The following KCNA2 variants were observed in gnomAD, a reference collection of about 807,000 sequenced individuals.
KCNA2 encodes potassium voltage-gated channel subfamily A member 2.
In KCNA2, 11 loss-of-function variants were observed where a neutral mutation model predicts 33.4. The ratio of observed to expected loss-of-function variants is 0.33; its 90% CI spans 0.21 to 0.55. KCNA2 has a LOEUF of 0.55. KCNA2 is among the 20% of genes least tolerant of loss of function. The pLI is 0.93. For missense variants in KCNA2, 291 were observed against 621.6 expected (o/e 0.47, Z 5.66); for synonymous variants, 222 against 231.3 (o/e 0.96, Z 0.37).
chr1:110,597,673 A>G lies in KCNA2; in HGVS notation c.*5610T>C. ...GTGGGAAGAAGAAGAAACTACAGAG[A>G]CTGTGAATGAGCCCCCAGAAGTCAA... On this transcript the variant is annotated 3_prime_UTR_variant, in exon 3 of 3. Coordinates refer to ENST00000316361, the MANE Select transcript of KCNA2 (RefSeq NM_004974.4). 1 of 985,388 alleles carries G rather than the reference A, an allele frequency of 1.0e-6. No homozygotes were observed. Among genetic ancestry groups the G allele is most frequent in the Non-Finnish European group, 1.2e-6 (1 of 829,936 alleles). 61.0% of individuals were successfully genotyped at this position (985,388 alleles called of 1,614,324 possible).
At chr1:110,607,383 C>A (rs1306438047), upstream of KCNA2, 1 of 150,546 alleles carries the variant, frequency 6.6e-6, no homozygotes, top group Non-Finnish European at 1.5e-5. Context: ...GCGGCGCGTA[C>A]GGAGCTCCCG....
At position 110,600,016 on chromosome 1, in the gene KCNA2, G is replaced by A; in HGVS notation, c.*3267C>T. On this transcript the variant is annotated 3_prime_UTR_variant, in exon 3 of 3. Transcript: ENST00000316361. ...GGCCCATCCTCCTGCTTGAAACCTA[G>A]GAGTTACTTCTCAGGAGTGAAATCT... 2 of 985,164 alleles carry A rather than the reference G, an allele frequency of 2.0e-6. No homozygotes were observed. The highest frequency in any genetic ancestry group is 2.4e-6 in the Non-Finnish European group (2 of 829,870). 61.0% of individuals were successfully genotyped at this position (985,164 alleles called of 1,614,324 possible). A position where few individuals can be genotyped will look rare whatever the true frequency, so the allele number is the denominator to read the frequency against.
chr1:110,598,967 C>A lies in KCNA2; in HGVS notation c.*4316G>T. On this transcript the variant is annotated 3_prime_UTR_variant, in exon 3 of 3. Coordinates refer to ENST00000316361, the MANE Select transcript of KCNA2 (RefSeq NM_004974.4). Reference sequence around the variant, plus strand: ...AACTCCAAGTTTCTTGAAAATGAATCCACAGAGGCACTTGATGAAGCCAAC... The same window carrying A: ...AACTCCAAGTTTCTTGAAAATGAATACACAGAGGCACTTGATGAAGCCAAC... 2.0e-6 allele frequency: 2 copies of A among 985,456 alleles called. No individual in the cohort carries two copies. The highest frequency in any genetic ancestry group is 2.4e-6 in the Non-Finnish European group (2 of 829,942). 61.0% of individuals were successfully genotyped at this position (985,456 alleles called of 1,614,324 possible).
At chr1:110,620,271 A>G (rs1281770128) in intron 1 of KCNA2, among the ~76,000 whole-genome samples, 2 of 152,080 alleles carry the variant, frequency 1.3e-5, no homozygotes, top group Admixed American at 1.3e-4. Flanking sequence ...CAGTGTAGAC[A>G]GTGTCTTAGA....
rs920916238 is a variant in KCNA2 at position 110,602,202 on chromosome 1, G to A, written c.*1081C>T. 3.9e-5 allele frequency: 61 copies of A among 1,549,106 alleles called. No homozygotes were observed. In the African/African-American group the frequency reaches 7.9e-4, roughly 20 times the overall value. On this transcript the variant is annotated 3_prime_UTR_variant, in exon 3 of 3. Coordinates refer to ENST00000316361, the MANE Select transcript of KCNA2 (RefSeq NM_004974.4). Reference sequence around the variant, plus strand: ...AGAAGAACAGGGATAGGTAGGCTGGGGGGCCAGAAGTTTTAGTTCCATTCC... The same window carrying A: ...AGAAGAACAGGGATAGGTAGGCTGGAGGGCCAGAAGTTTTAGTTCCATTCC...
upstream of KCNA2, among the ~76,000 whole-genome samples, chr1:110,609,331 C>T (rs566088593): frequency 4.6e-5 from 7 of 152,334 alleles, no homozygotes; most frequent in Admixed American, 3.3e-4. Context: ...TAATTGGTGA[C>T]ATGGGCTTAC....
At chr1:110,628,786 G>A (rs1171515515) in intron 1 of KCNA2, among the ~76,000 whole-genome samples, 9 of 152,152 alleles carry the variant, frequency 5.9e-5, no homozygotes, top group African/African-American at 1.2e-4. Context: ...CACAGAATTC[G>A]TCTGTACATT....
chr1:110,622,919 A>G (rs1650296414), intron 1 of KCNA2, among the ~76,000 whole-genome samples: 1 of 152,224 alleles, frequency 6.6e-6, no homozygotes, highest in Admixed American at 6.5e-5. Context: ...TAATCCACAT[A>G]TTCAATAGAA....
chr1:110,614,893 C>T (rs994336819), intron 1 of KCNA2, among the ~76,000 whole-genome samples: 4 of 152,202 alleles, frequency 2.6e-5, no homozygotes, highest in African/African-American at 4.8e-5. Context: ...CCACATCAAC[C>T]GTTACCCCAA....
At chr1:110,627,028 T>C (rs1650409792) in intron 1 of KCNA2, among the ~76,000 whole-genome samples, 1 of 152,242 alleles carries the variant, frequency 6.6e-6, no homozygotes, top group Non-Finnish European at 1.5e-5. Context: ...GCATCTCATT[T>C]AATCTTACCG....
intron 1 of KCNA2, among the ~76,000 whole-genome samples, chr1:110,614,157 G>A (rs898793149): frequency 2.6e-5 from 4 of 152,138 alleles, no homozygotes; most frequent in African/African-American, 7.2e-5. Flanking sequence ...AAACAGTGGC[G>A]AGGAGCTCCA....
chr1:110,618,944 C>G (rs950331743), intron 1 of KCNA2, among the ~76,000 whole-genome samples: 1 of 152,220 alleles, frequency 6.6e-6, no homozygotes, highest in African/African-American at 2.4e-5. Flanking sequence ...TATTCATGCC[C>G]TCGCAGAAGC....
intron 1 of KCNA2, among the ~76,000 whole-genome samples, chr1:110,617,635 C>T (rs115768602): frequency 8.0e-4 from 121 of 152,080 alleles, no homozygotes; most frequent in African/African-American, 2.9e-3. Context: ...AATAGGTGAA[C>T]GGTAGAAGGG....
chr1:110,626,022 C>T (rs573228943), intron 1 of KCNA2, among the ~76,000 whole-genome samples: 11 of 152,160 alleles, frequency 7.2e-5, no homozygotes, highest in Non-Finnish European at 1.6e-4. Context: ...ATTGGTTCAG[C>T]CCCATGGAGG....
chr1:110,619,741 G>C (rs2101454484), intron 1 of KCNA2, among the ~76,000 whole-genome samples: 1 of 152,264 alleles, frequency 6.6e-6, no homozygotes, highest in East Asian at 1.9e-4. Flanking sequence ...GATATTTTTC[G>C]CCACCTATTT....
At chr1:110,619,455 A>G (rs1164537225) in intron 1 of KCNA2, among the ~76,000 whole-genome samples, 1 of 152,190 alleles carries the variant, frequency 6.6e-6, no homozygotes, top group Non-Finnish European at 1.5e-5. Flanking sequence ...GGCCCCTCCT[A>G]CACATACAAG....
At chr1:110,625,860 T>C (rs913233147) in intron 1 of KCNA2, among the ~76,000 whole-genome samples, 1 of 152,236 alleles carries the variant, frequency 6.6e-6, no homozygotes, top group Non-Finnish European at 1.5e-5. Context: ...CCTTCATTCA[T>C]AATTAAGAGA....
chr1:110,600,640 G>A lies in KCNA2; in HGVS notation c.*2643C>T. On this transcript the variant is annotated 3_prime_UTR_variant, in exon 3 of 3. Coordinates refer to ENST00000316361, the MANE Select transcript of KCNA2 (RefSeq NM_004974.4). ...TGAACATTTTAGAGTCCTGGGCCAAGGACACTGTGATAAGATATCTATCCC... is the reference window on the plus strand; with the variant it reads ...TGAACATTTTAGAGTCCTGGGCCAAAGACACTGTGATAAGATATCTATCCC... 1.0e-6 allele frequency: 1 copy of A among 985,346 alleles called. No homozygotes were observed. Among genetic ancestry groups the A allele is most frequent in the Non-Finnish European group, 1.2e-6 (1 of 829,902 alleles). 61.0% of individuals were successfully genotyped at this position (985,346 alleles called of 1,614,324 possible).
In KCNA2 at chr1:110,599,032, A is replaced by G. The variant is rs1649224597; in HGVS notation, c.*4251T>C. On this transcript the variant is annotated 3_prime_UTR_variant, in exon 3 of 3. Coordinates refer to ENST00000316361, the MANE Select transcript of KCNA2 (RefSeq NM_004974.4). ...GACCTGGAAACACAAGTTTCCAGCAAAGCACACGTTTTGGACCCATATGTC... is the reference window on the plus strand; with the variant it reads ...GACCTGGAAACACAAGTTTCCAGCAGAGCACACGTTTTGGACCCATATGTC... 3 of 985,226 alleles carry G rather than the reference A, an allele frequency of 3.0e-6. No individual in the cohort carries two copies. Among genetic ancestry groups the G allele is most frequent in the South Asian group, 4.7e-5 (1 of 21,276 alleles). 61.0% of individuals were successfully genotyped at this position (985,226 alleles called of 1,614,324 possible). A position where few individuals can be genotyped will look rare whatever the true frequency, so the allele number is the denominator to read the frequency against.
Sources: gnomAD v4.1 joint callset for allele counts (sites outside exome capture counted in the v4.1 genomes callset) on GRCh38, gnomAD v4.1.1 for gene constraint, MANE v1.5 for transcripts, NCBI Gene and HGNC (gene_info 2026-07-23, HGNC 2026-07-21) for gene names.